Variants in COPRS observed in about 807,000 individuals in gnomAD.
The protein encoded by COPRS is cooperator of PRMT5.
In COPRS, 11 loss-of-function variants were observed where a neutral mutation model predicts 19.9. The ratio of observed to expected loss-of-function variants is 0.55; its 90% CI spans 0.35 to 0.92. The LOEUF (loss-of-function observed/expected upper bound fraction) is 0.92, where lower values mean the gene tolerates loss of function less well. Ranked by LOEUF, COPRS falls within the 40% of genes least tolerant of loss-of-function variation. The pLI, the probability that COPRS is intolerant of heterozygous loss-of-function variation, is 0.01. For synonymous variants in COPRS, 81 were observed against 82.7 expected (o/e 0.98, Z 0.11); for missense variants, 225 against 229.9 (o/e 0.98, Z 0.14).
chr17:31,858,445 A>G (rs552285776), intron 1 of COPRS: 188 of 981,038 alleles, frequency 1.9e-4, no homozygotes, highest in Admixed American at 9.2e-4. Flanking sequence ...GCACTATGCT[A>G]GGCTGTGCAA....
Position 31,859,119 on chromosome 17 carries a change from C to G in COPRS, c.81G>C (p.Gly27=). The G allele has an allele frequency of 9.2e-7, 1 of 1,089,092 alleles. No homozygotes were observed. The highest frequency in any genetic ancestry group is 1.1e-6 in the Non-Finnish European group (1 of 900,002). 67.5% of individuals were successfully genotyped at this position (1,089,092 alleles called of 1,614,324 possible). The change falls in exon 1 of 4, where the codon GGG becomes GGC. Residue 27 remains glycine, a synonymous_variant. Transcript: ENST00000302362. ...SRGPPLPSAR[G]APPSPEAGFA... is the part of the protein sequence containing the mutation. ...CGCTCACCTCCGGGCTGGGGGGCGC[C>G]CCCCGCGCGCTAGGCAGCGGCGGGC...
At chr17:31,856,605 C>A (rs1444428877) in intron 2 of COPRS, 194 bp downstream of exon 2, 1 of 648,596 alleles carries the variant, frequency 1.5e-6, no homozygotes, top group South Asian at 1.8e-5. Flanking sequence ...TGGATTTGAA[C>A]ATAAGAAAAG....
chr17:31,852,191 T>C lies in COPRS; in HGVS notation c.503A>G (p.Tyr168Cys), dbSNP rs765121401. Residue 168 changes from tyrosine (Y) to cysteine (C), a missense_variant, in exon 4 of 4, where the codon TAT becomes TGT. By Grantham distance (194) the Tyr-to-Cys change is radical. Coordinates refer to ENST00000302362, the MANE Select transcript of COPRS (RefSeq NM_018405.4). Reference sequence around the variant, plus strand: ...TGTTTCAAAGACCATCTTGGAATAATAGGGTATCAGTGGAGGCGGATGGTG... The same window carrying C: ...TGTTTCAAAGACCATCTTGGAATAACAGGGTATCAGTGGAGGCGGATGGTG... Reference protein sequence around the residue: ...SWHHPPPLIPYYSKMVFETGQ... With the variant: ...SWHHPPPLIPCYSKMVFETGQ... The C allele has an allele frequency of 1.2e-5, 20 of 1,613,954 alleles. No homozygotes were observed. The highest frequency in any genetic ancestry group is 3.3e-4 in the Middle Eastern group (2 of 6,082).
At position 31,856,709 on chromosome 17, in the gene COPRS, T is replaced by G. The variant is rs764458271; in HGVS notation, c.166+90A>C. ...AAGGCCACTAAGCAGCAGAGAGGAC[T>G]GGCTAAAAGAGAAGGTAAATGAGAC... On this transcript the variant is annotated intron_variant, in intron 2 of 3. Coordinates refer to ENST00000302362, the MANE Select transcript of COPRS (RefSeq NM_018405.4). 10 of 856,420 alleles carry G rather than the reference T, an allele frequency of 1.2e-5. No homozygotes were observed. The East Asian group carries it at 2.4e-4, about 21-fold the overall frequency. The allele number at this position is 856,420 out of a possible 1,614,324, so 53.1% of individuals were successfully genotyped here. A position where few individuals can be genotyped will look rare whatever the true frequency, so the allele number is the denominator to read the frequency against.
Position 31,852,824 on chromosome 17 carries a change from C to G in COPRS, c.373G>C (p.Gly125Arg), listed in dbSNP as rs750010860. Residue 125 changes from glycine (G) to arginine (R), a missense_variant, in exon 3 of 4, where the codon GGG (glycine) becomes CGG (arginine). This residue lies in a region of COPRS where 170 missense variants were observed against 171.4 expected (regional missense o/e 0.99). Transcript: ENST00000302362. ...ACTCCACACCTACCATATGGATTCC[C>G]TTGATCTGCTTTCAACTCCGAGTCC... Reference protein sequence around the residue: ...DWDSELKADQGNPYDADDIQE... With the variant: ...DWDSELKADQRNPYDADDIQE... 5 of 1,613,522 alleles carry G rather than the reference C, an allele frequency of 3.1e-6. No individual in the cohort carries two copies. Among genetic ancestry groups the G allele is most frequent in the Middle Eastern group, 1.6e-4 (1 of 6,074 alleles).
intron 1 of COPRS, among the ~76,000 whole-genome samples, chr17:31,857,310 T>C (rs544071227): frequency 1.3e-5 from 2 of 152,338 alleles, no homozygotes; most frequent in African/African-American, 4.8e-5. Context: ...AGCTTTTAAA[T>C]TTTAATCAAC....
chr17:31,858,527 G>C (rs1265478365), intron 1 of COPRS: 5 of 482,960 alleles, frequency 1.0e-5, no homozygotes, highest in Non-Finnish European at 1.3e-5. Flanking sequence ...AACAAGGACA[G>C]GTAAGAACTG....
At position 31,852,951 on chromosome 17, in the gene COPRS, C is replaced by G. The variant is rs1189732573; in HGVS notation, c.246G>C (p.Met82Ile). The G allele has an allele frequency of 6.2e-7, 1 of 1,614,126 alleles. No individual in the cohort carries two copies. Among genetic ancestry groups the G allele is most frequent in the Admixed American group, 1.7e-5 (1 of 60,034 alleles). Residue 82 changes from methionine (M) to isoleucine (I), a missense_variant, in exon 3 of 4, where the codon ATG becomes ATC. This residue lies in a region of COPRS where 170 missense variants were observed against 171.4 expected (regional missense o/e 0.99). Coordinates refer to ENST00000302362, the MANE Select transcript of COPRS (RefSeq NM_018405.4). The part of the protein sequence containing the change: ...GTHSEEEGFA[M>I]DEEDSDGELN... ...GTTCTCCATCAGAGTCCTCCTCATC[C>G]ATGGCAAAGCCTTCCTCTTCAGAAT... is the stretch of plus-strand genomic sequence containing the variant.
Position 31,856,785 on chromosome 17 carries a change from T to C in COPRS, c.166+14A>G, listed in dbSNP as rs371226114. On this transcript the variant is annotated intron_variant, in intron 2 of 3. Coordinates refer to ENST00000302362, the MANE Select transcript of COPRS (RefSeq NM_018405.4). The stretch of plus-strand genomic sequence containing the variant: ...CCTTGGTCTCCCCAACTTCCGTCTC[T>C]GCCATCTACTTGCCTAGTCGATCCA... 1.4e-4 allele frequency: 221 copies of C among 1,552,982 alleles called. 1 individual carries two copies. Among genetic ancestry groups the C allele is most frequent in the Non-Finnish European group, 1.6e-4 (177 of 1,124,520 alleles).
Position 31,856,876 on chromosome 17 carries a change from A to G in COPRS, c.100-11T>C. On this transcript the variant is annotated splice_polypyrimidine_tract_variant and intron_variant, in intron 1 of 3. Transcript: ENST00000302362. ...TGTAGCAAAGCCAGCCTGCAGGAAG[A>G]AGAAATGATTACCAAGGACTTGGGT... 1 of 1,569,420 alleles carries G rather than the reference A, an allele frequency of 6.4e-7. No homozygotes were observed. The highest frequency in any genetic ancestry group is 8.8e-7 in the Non-Finnish European group (1 of 1,140,780).
intron 3 of COPRS, 73 bp from the exon 4 acceptor site, chr17:31,852,381 A>T: frequency 1.7e-6 from 2 of 1,211,846 alleles, no homozygotes; most frequent in Non-Finnish European, 2.4e-6. Context: ...GGACAGCCAA[A>T]AAGGTATGTC....
intron 1 of COPRS, chr17:31,858,498 C>G: frequency 1.5e-6 from 1 of 677,558 alleles, no homozygotes; most frequent in Non-Finnish European, 1.8e-6. Context: ...CGCTCAGCAC[C>G]TAGCCGGTAC....
chr17:31,854,672 C>A (rs1414215948), intron 2 of COPRS, among the ~76,000 whole-genome samples: 1 of 152,130 alleles, frequency 6.6e-6, no homozygotes, highest in Non-Finnish European at 1.5e-5. Context: ...CATGGATGCA[C>A]CTTGAAAATA....
Position 31,856,795 on chromosome 17 carries a change from T to A in COPRS, c.166+4A>T, listed in dbSNP as rs775070338. Reference sequence around the variant, plus strand: ...CCCAACTTCCGTCTCTGCCATCTACTTGCCTAGTCGATCCATAGCCTTCTC... The same window carrying A: ...CCCAACTTCCGTCTCTGCCATCTACATGCCTAGTCGATCCATAGCCTTCTC... On this transcript the variant is annotated splice_donor_region_variant and intron_variant, in intron 2 of 3. Transcript: ENST00000302362. 1.3e-6 allele frequency: 2 copies of A among 1,586,454 alleles called. No individual in the cohort carries two copies. Among genetic ancestry groups the A allele is most frequent in the South Asian group, 2.2e-5 (2 of 90,532 alleles).
chr17:31,859,080 TG>T lies in COPRS; in HGVS notation c.99+20del. 8.8e-7 allele frequency: 1 copy of T among 1,132,896 alleles called. No individual in the cohort carries two copies. Among genetic ancestry groups the T allele is most frequent in the South Asian group, 3.7e-5 (1 of 26,812 alleles). The allele number at this position is 1,132,896 out of a possible 1,614,324, so 70.2% of individuals were successfully genotyped here. ...CCAGGCTGCGGCTGGCTGTTGCTCCTGGCCCCCACGCGGCGCTCACCTCCGG... is the reference window on the plus strand; with the variant it reads ...CCAGGCTGCGGCTGGCTGTTGCTCCTGCCCCCACGCGGCGCTCACCTCCGG... On this transcript the variant is annotated intron_variant, in intron 1 of 3. Coordinates refer to ENST00000302362, the MANE Select transcript of COPRS (RefSeq NM_018405.4).
chr17:31,852,162 G>A lies in COPRS; in HGVS notation c.532C>T (p.Gln178Ter). 6.2e-7 allele frequency: 1 copy of A among 1,614,158 alleles called. No homozygotes were observed. The highest frequency in any genetic ancestry group is 8.5e-7 in the Non-Finnish European group (1 of 1,180,026). ...YYSKMVFETGQFDDAED is the reference protein window; with the variant it reads ...YYSKMVFETG ...ACTCAATCTTCAGCATCGTCAAACT[G>A]TCCTGTTTCAAAGACCATCTTGGAA... The change falls in exon 4 of 4, where the codon CAG becomes TAG. Residue 178 changes from glutamine (Q) to a stop codon, truncating the protein, a stop_gained. Transcript: ENST00000302362. LOFTEE classifies it high-confidence loss of function.
chr17:31,858,946 C>A, intron 1 of COPRS, 155 bp downstream of exon 1: 2 of 1,428,470 alleles, frequency 1.4e-6, no homozygotes, highest in Non-Finnish European at 1.8e-6. Flanking sequence ...GTTTTCAGCT[C>A]GAGCGCGAGC....
In COPRS at chr17:31,858,307, C is replaced by A. The variant is rs956761391; in HGVS notation, c.99+794G>T. 30 of 931,924 alleles carry A rather than the reference C, an allele frequency of 3.2e-5. No homozygotes were observed. The African/African-American group carries it at 5.3e-4, about 17-fold the overall frequency. 57.7% of individuals were successfully genotyped at this position (931,924 alleles called of 1,614,324 possible). On this transcript the variant is annotated intron_variant, in intron 1 of 3. Transcript: ENST00000302362. Reference sequence around the variant, plus strand: ...CCTGCTATGCCCTGACAAAATTAGTCCCATTCTATTCTGCACTCCAAAGTA... The same window carrying A: ...CCTGCTATGCCCTGACAAAATTAGTACCATTCTATTCTGCACTCCAAAGTA...
intron 1 of COPRS, 92 bp downstream of exon 1, chr17:31,859,009 C>T: frequency 2.5e-6 from 3 of 1,223,616 alleles, no homozygotes; most frequent in East Asian, 3.7e-5. Flanking sequence ...GAGGCGCTTC[C>T]CCGGCCCCGC....
Sources: gnomAD v4.1 joint callset for allele counts (sites outside exome capture counted in the v4.1 genomes callset) on GRCh38, gnomAD v4.1.1 for gene constraint, gnomAD v4.1.1 regional missense constraint, MANE v1.5 for transcripts, NCBI Gene and HGNC (gene_info 2026-07-23, HGNC 2026-07-21) for gene names.